Variants in ATG5 observed in about 807,000 individuals in gnomAD.
ATG5 encodes autophagy protein 5.
ATG5 carries 14 observed loss-of-function variants against 36.5 expected under a neutral mutation model. That is an observed-to-expected ratio of 0.38 (90% CI 0.25 to 0.60). The LOEUF (loss-of-function observed/expected upper bound fraction) is 0.60, where lower values mean the gene tolerates loss of function less well. Ranked by LOEUF, ATG5 falls within the 20% of genes least tolerant of loss-of-function variation. The pLI is 0.60. For synonymous variants in ATG5, 95 were observed against 101.5 expected (o/e 0.94, Z 0.38); for missense variants, 195 against 326.7 (o/e 0.60, Z 3.11).
chr6:106,234,194 C>A (rs1708478687), intron 6 of ATG5, among the ~76,000 whole-genome samples: 1 of 152,036 alleles, frequency 6.6e-6, no homozygotes, highest in Non-Finnish European at 1.5e-5. Flanking sequence ...ACATAGCACC[C>A]CTAGCCCCTA....
intron 7 of ATG5, among the ~76,000 whole-genome samples, chr6:106,192,179 T>C (rs879033361): frequency 1.3e-5 from 2 of 152,028 alleles, no homozygotes; most frequent in African/African-American, 4.8e-5. Flanking sequence ...TGAGCCCTAG[T>C]GTACTACAGA....
chr6:106,272,760 C>T (rs578145282), intron 5 of ATG5, among the ~76,000 whole-genome samples: 4 of 152,302 alleles, frequency 2.6e-5, no homozygotes, highest in Admixed American at 6.5e-5. Context: ...CACACTACTA[C>T]GGTCCGGGCA....
intron 4 of ATG5, among the ~76,000 whole-genome samples, chr6:106,286,379 C>T (rs564547826): frequency 6.6e-5 from 10 of 152,270 alleles, no homozygotes; most frequent in Admixed American, 2.6e-4. Flanking sequence ...ATTTTTGGTC[C>T]TGTTTTCTAA....
intron 2 of ATG5, 150 bp from the exon 3 acceptor site, chr6:106,308,641 T>C (rs1391202302): frequency 4.8e-6 from 3 of 620,964 alleles, no homozygotes; most frequent in Non-Finnish European, 7.6e-6. Flanking sequence ...TTATAGAAGA[T>C]CAAAGGTTAA....
intron 1 of ATG5, among the ~76,000 whole-genome samples, chr6:106,316,610 C>G (rs186944072): frequency 6.6e-6 from 1 of 152,192 alleles, no homozygotes; most frequent in Non-Finnish European, 1.5e-5. Flanking sequence ...CACCTATACC[C>G]TGTGAATCCT....
intron 6 of ATG5, among the ~76,000 whole-genome samples, chr6:106,208,642 A>T (rs1286221386): frequency 7.9e-5 from 12 of 152,236 alleles, no homozygotes; most frequent in Admixed American, 7.8e-4. Context: ...CATAAAAGGG[A>T]ATACTAATAA....
At chr6:106,304,479 G>A (rs1770354492) in intron 3 of ATG5, among the ~76,000 whole-genome samples, 2 of 152,020 alleles carry the variant, frequency 1.3e-5, no homozygotes, top group South Asian at 4.2e-4. Context: ...CATACAGTGG[G>A]ATACTCAGCA....
chr6:106,299,162 T>C (rs1770104051), intron 3 of ATG5, among the ~76,000 whole-genome samples: 1 of 152,188 alleles, frequency 6.6e-6, no homozygotes, highest in African/African-American at 2.4e-5. Context: ...TGGACCTAGC[T>C]GGATACCAAA....
chr6:106,194,416 T>C (rs577919482), intron 7 of ATG5, among the ~76,000 whole-genome samples: 1 of 152,360 alleles, frequency 6.6e-6, no homozygotes, highest in African/African-American at 2.4e-5. Context: ...TATGTTTCTT[T>C]TTCTAACTGC....
intron 6 of ATG5, among the ~76,000 whole-genome samples, chr6:106,242,837 A>G (rs1203695041): frequency 1.3e-5 from 2 of 152,214 alleles, no homozygotes; most frequent in African/African-American, 4.8e-5. Flanking sequence ...GTAAGATGTT[A>G]TTGCAAGATA....
intron 5 of ATG5, among the ~76,000 whole-genome samples, chr6:106,248,641 A>T (rs1778444357): frequency 6.6e-6 from 1 of 152,240 alleles, no homozygotes; most frequent in South Asian, 2.1e-4. Context: ...GAAGTTGTGT[A>T]AAGAAATAAA....
Position 106,202,187 on chromosome 6 carries a change from T to C in ATG5, c.574-98A>G, listed in dbSNP as rs992243601. 4.8e-6 allele frequency: 4 copies of C among 834,112 alleles called. No homozygotes were observed. In the African/African-American group the frequency reaches 5.1e-5, roughly 11 times the overall value. 51.7% of individuals were successfully genotyped at this position (834,112 alleles called of 1,614,324 possible). On this transcript the variant is annotated intron_variant, in intron 6 of 7. Coordinates refer to ENST00000369076, the MANE Select transcript of ATG5 (RefSeq NM_004849.4). ...AAACTTTATGTTGGCATTAGGTGCCTTTTGATACGGTGTTAGCATAATTAC... is the reference window on the plus strand; with the variant it reads ...AAACTTTATGTTGGCATTAGGTGCCCTTTGATACGGTGTTAGCATAATTAC...
chr6:106,215,718 G>A (rs1246489638), intron 6 of ATG5, among the ~76,000 whole-genome samples: 1 of 151,768 alleles, frequency 6.6e-6, no homozygotes, highest in Non-Finnish European at 1.5e-5. Context: ...TCTTACATAC[G>A]GCAACCTAAA....
intron 6 of ATG5, among the ~76,000 whole-genome samples, chr6:106,223,179 A>G (rs1777314033): frequency 6.6e-6 from 1 of 152,228 alleles, no homozygotes; most frequent in African/African-American, 2.4e-5. Flanking sequence ...AAAAAGTTCT[A>G]ATACATAACT....
intron 3 of ATG5, among the ~76,000 whole-genome samples, chr6:106,295,754 G>A (rs1210751816): frequency 5.9e-5 from 9 of 151,880 alleles, no homozygotes; most frequent in African/African-American, 2.2e-4. Context: ...TATAGAGATA[G>A]TGTCCAACTA....
At chr6:106,311,480 G>A (rs1044064272) in intron 2 of ATG5, among the ~76,000 whole-genome samples, 1 of 152,140 alleles carries the variant, frequency 6.6e-6, no homozygotes, top group Non-Finnish European at 1.5e-5. Flanking sequence ...GTAGGTATGG[G>A]AGATACCTCT....
rs1183320370 is a variant in ATG5 at position 106,303,908 on chromosome 6, CAGA to C, written c.236+4453_236+4455del. On this transcript the variant is annotated intron_variant, in intron 3 of 7. Coordinates refer to ENST00000369076, the MANE Select transcript of ATG5 (RefSeq NM_004849.4). ...ACATTCCCCATAAAATTAAGAACAC[CAGA>C]AGATGTCCACTCTCACCACTCTTAT... is the stretch of plus-strand genomic sequence containing the variant. Among the ~76,000 whole-genome samples the C allele has an allele frequency of 3.3e-5, 5 of 150,750 alleles. No individual in the cohort carries two copies. The East Asian group carries it at 9.8e-4, about 29-fold the overall frequency.
chr6:106,305,213 C>T (rs1292569948), intron 3 of ATG5, among the ~76,000 whole-genome samples: 1 of 151,916 alleles, frequency 6.6e-6, no homozygotes, highest in African/African-American at 2.4e-5. Flanking sequence ...AAAGAATTAA[C>T]AGTAAAGGAA....
chr6:106,223,543 T>C (rs1224862792), intron 6 of ATG5, among the ~76,000 whole-genome samples: 1 of 152,190 alleles, frequency 6.6e-6, no homozygotes, highest in Non-Finnish European at 1.5e-5. Flanking sequence ...TACCTATTTC[T>C]TTTAAAAGGT....
Sources: gnomAD v4.1 joint callset for allele counts (sites outside exome capture counted in the v4.1 genomes callset) on GRCh38, gnomAD v4.1.1 for gene constraint, MANE v1.5 for transcripts, NCBI Gene and HGNC (gene_info 2026-07-23, HGNC 2026-07-21) for gene names.